PFKFB3: variants seen among roughly 807,000 people sequenced by gnomAD.
The protein encoded by PFKFB3 is 6-phosphofructo-2-kinase/fructose-2,6-biphosphatase 3, also known as 6-phosphofructo-2-kinase/fructose-2,6-bisphosphatase 3.
In PFKFB3, 33 loss-of-function variants were observed where a neutral mutation model predicts 68.0. The ratio of observed to expected loss-of-function variants is 0.49; its 90% CI spans 0.37 to 0.65. The LOEUF (loss-of-function observed/expected upper bound fraction) is 0.65, where lower values mean the gene tolerates loss of function less well. Ranked by LOEUF, PFKFB3 falls within the 30% of genes least tolerant of loss-of-function variation. The pLI is 0.00. For synonymous variants in PFKFB3, 315 were observed against 288.2 expected (o/e 1.09, Z -0.94); for missense variants, 586 against 712.2 (o/e 0.82, Z 2.02).
intron 1 of PFKFB3, among the ~76,000 whole-genome samples, chr10:6,166,969 A>G (rs887591220): frequency 1.3e-5 from 2 of 151,950 alleles, no homozygotes; most frequent in African/African-American, 4.8e-5. Flanking sequence ...AGCTGGGATT[A>G]CAGGCATGCA....
At chr10:6,157,455 T>C (rs1841842258) in intron 1 of PFKFB3, among the ~76,000 whole-genome samples, 1 of 152,174 alleles carries the variant, frequency 6.6e-6, no homozygotes, top group Non-Finnish European at 1.5e-5. Context: ...CTCGATCTCC[T>C]GACCTCGTGA....
the PFKFB3 span, among the ~76,000 whole-genome samples, chr10:6,322,074 G>A: frequency 1.3e-5 from 2 of 152,116 alleles, no homozygotes; most frequent in South Asian, 4.1e-4. Flanking sequence ...CTGGTAAATT[G>A]TCTGTTGACA....
the PFKFB3 span, among the ~76,000 whole-genome samples, chr10:6,281,483 G>A: frequency 2.0e-5 from 3 of 151,958 alleles, no homozygotes; most frequent in African/African-American, 7.2e-5. Context: ...TAGAAGAAGA[G>A]AATAACAGAT....
At chr10:6,181,210 A>G (rs1468507988) in intron 1 of PFKFB3, among the ~76,000 whole-genome samples, 1 of 152,156 alleles carries the variant, frequency 6.6e-6, no homozygotes, top group East Asian at 1.9e-4. Flanking sequence ...TTGTAGAGAT[A>G]AAGTCTTGCT....
downstream of PFKFB3, among the ~76,000 whole-genome samples, chr10:6,259,314 A>C (rs1846518671): frequency 6.7e-6 from 1 of 148,774 alleles, no homozygotes; most frequent in Non-Finnish European, 1.5e-5. Flanking sequence ...CCATCCACCC[A>C]ACCATCCATC....
intron 13 of PFKFB3, chr10:6,224,515 C>G (rs1297466116): frequency 3.8e-6 from 2 of 526,494 alleles, no homozygotes; most frequent in Non-Finnish European, 7.2e-6. Context: ...GGGTCTCAGT[C>G]TGTTCCCCAG....
At chr10:6,238,330 A>C (rs1192275626), downstream of PFKFB3, among the ~76,000 whole-genome samples, 2 of 151,710 alleles carry the variant, frequency 1.3e-5, no homozygotes, top group Non-Finnish European at 2.9e-5. Context: ...AAGCCCGGCT[A>C]AGTTTTATAT....
chr10:6,307,586 C>T, the PFKFB3 span, among the ~76,000 whole-genome samples: 2 of 147,494 alleles, frequency 1.4e-5, no homozygotes, highest in Admixed American at 6.8e-5. Context: ...CTCTCCCTCC[C>T]CCACCCTTTC....
chr10:6,318,695 C>G, the PFKFB3 span, among the ~76,000 whole-genome samples: 3 of 152,212 alleles, frequency 2.0e-5, no homozygotes, highest in African/African-American at 7.2e-5. Context: ...CCTCACAGAT[C>G]AAGGGCCTAA....
At chr10:6,208,162 A>C (rs898140116) in intron 1 of PFKFB3, among the ~76,000 whole-genome samples, 2 of 151,588 alleles carry the variant, frequency 1.3e-5, no homozygotes, top group Non-Finnish European at 2.9e-5. Context: ...GAAGCCTTGA[A>C]CTCCTGGGCT....
the PFKFB3 span, among the ~76,000 whole-genome samples, chr10:6,278,106 C>T: frequency 1.3e-5 from 2 of 151,554 alleles, no homozygotes; most frequent in African/African-American, 4.9e-5. Flanking sequence ...TTAGTAGAGA[C>T]GGGGTTTCGC....
intron 14 of PFKFB3, chr10:6,231,479 C>A (rs573723240): frequency 6.1e-6 from 6 of 985,258 alleles, no homozygotes; most frequent in Non-Finnish European, 6.0e-6. Flanking sequence ...TCTCACCCCC[C>A]ACGTGTCCTG....
At chr10:6,269,151 G>A in the PFKFB3 span, among the ~76,000 whole-genome samples, 8 of 151,502 alleles carry the variant, frequency 5.3e-5, no homozygotes, top group African/African-American at 1.7e-4. Flanking sequence ...CCCTCCCTGG[G>A]TCTTCATCTT....
chr10:6,155,180 G>C (rs1299714700), intron 1 of PFKFB3, among the ~76,000 whole-genome samples: 1 of 150,942 alleles, frequency 6.6e-6, no homozygotes, highest in African/African-American at 2.4e-5. Context: ...TCCAAGCTGG[G>C]AGAAAAGCAC....
intron 1 of PFKFB3, among the ~76,000 whole-genome samples, chr10:6,145,245 G>A (rs1383190648): frequency 1.3e-5 from 2 of 151,686 alleles, no homozygotes; most frequent in Non-Finnish European, 2.9e-5. Flanking sequence ...CCGGTCCTGC[G>A]TGTCCCCTCC....
intron 1 of PFKFB3, among the ~76,000 whole-genome samples, chr10:6,183,711 A>G (rs1262547996): frequency 1.1e-4 from 17 of 149,260 alleles, no homozygotes; most frequent in African/African-American, 3.4e-4. Flanking sequence ...TTTTTGAGAC[A>G]GAGTCTCGCT....
downstream of PFKFB3, among the ~76,000 whole-genome samples, chr10:6,236,973 C>G (rs1257991370): frequency 6.6e-6 from 1 of 152,248 alleles, no homozygotes; most frequent in Non-Finnish European, 1.5e-5. Flanking sequence ...CCAGTCGTTT[C>G]CATTCGCTGC....
At chr10:6,242,554 G>C (rs759234187) in intron 14 of PFKFB3, among the ~76,000 whole-genome samples, 1 of 150,988 alleles carries the variant, frequency 6.6e-6, no homozygotes, top group Non-Finnish European at 1.5e-5. Flanking sequence ...GGATGAAACT[G>C]TTCCCACCGT....
In PFKFB3 at chr10:6,235,180, G is replaced by A. The variant is rs1466805580; in HGVS notation, c.*2238G>A. ...CCTCCTTATTCTGTCCTGAGACCAC[G>A]GGCAAAGCTCTTCATTTTGAGAGAG... On this transcript the variant is annotated 3_prime_UTR_variant, in exon 15 of 15. Coordinates refer to ENST00000379775, the MANE Select transcript of PFKFB3 (RefSeq NM_004566.4). 2.0e-5 allele frequency: 3 copies of A among 152,652 alleles called. No individual in the cohort carries two copies. Among genetic ancestry groups the A allele is most frequent in the East Asian group, 3.7e-4 (2 of 5,340 alleles). 9.5% of individuals were successfully genotyped at this position (152,652 alleles called of 1,614,324 possible).
Sources: gnomAD v4.1 joint callset for allele counts (sites outside exome capture counted in the v4.1 genomes callset) on GRCh38, gnomAD v4.1.1 for gene constraint, MANE v1.5 for transcripts, NCBI Gene and HGNC (gene_info 2026-07-23, HGNC 2026-07-21) for gene names.